SPAG1: variants seen among roughly 807,000 people sequenced by gnomAD.
The protein encoded by SPAG1 is sperm associated antigen 1, also known as sperm-associated antigen 1.
A neutral mutation model predicts 100.5 loss-of-function variants in SPAG1; 69 were observed. The ratio of observed to expected loss-of-function variants is 0.69; its 90% CI spans 0.57 to 0.84. The LOEUF (loss-of-function observed/expected upper bound fraction) is 0.84, where lower values mean the gene tolerates loss of function less well. Among genes scored for constraint, SPAG1 ranks in the 40% least tolerant of loss-of-function variants. The pLI is 0.00. For synonymous variants in SPAG1, 336 were observed against 411.6 expected (o/e 0.82, Z 2.22); for missense variants, 955 against 1,133.1 (o/e 0.84, Z 2.26).
chr8:100,172,632 ATATGTG>A (rs1355973118), intron 3 of SPAG1, among the ~76,000 whole-genome samples: 3 of 93,832 alleles, frequency 3.2e-5, no homozygotes, highest in Admixed American at 1.1e-4. Flanking sequence ...AAAAAGAAAT[ATATGTG>A]TGTGTGTGTG....
intron 10 of SPAG1, among the ~76,000 whole-genome samples, chr8:100,206,239 T>G (rs929629115): frequency 6.6e-6 from 1 of 152,146 alleles, no homozygotes; most frequent in Non-Finnish European, 1.5e-5. Context: ...ACACATCTCC[T>G]GGTACCTGGT....
At chr8:100,204,304 G>T (rs1817413307) in intron 10 of SPAG1, among the ~76,000 whole-genome samples, 1 of 152,194 alleles carries the variant, frequency 6.6e-6, no homozygotes, top group Non-Finnish European at 1.5e-5. Context: ...GAGGTTGAGA[G>T]TGTGACCCAT....
At chr8:100,223,811 T>G (rs1281930816) in intron 13 of SPAG1, among the ~76,000 whole-genome samples, 2 of 152,062 alleles carry the variant, frequency 1.3e-5, no homozygotes, top group Non-Finnish European at 2.9e-5. Context: ...CTTCTGCAAT[T>G]CTGGGTGGTT....
chr8:100,195,376 C>G (rs370898433), intron 10 of SPAG1, among the ~76,000 whole-genome samples: 1 of 151,766 alleles, frequency 6.6e-6, no homozygotes, highest in Non-Finnish European at 1.5e-5. Flanking sequence ...AAATAAAGAA[C>G]GAGTTTTAAT....
At chr8:100,159,372 C>T (rs1398415086) in intron 1 of SPAG1, among the ~76,000 whole-genome samples, 3 of 152,174 alleles carry the variant, frequency 2.0e-5, no homozygotes, top group African/African-American at 7.2e-5. Context: ...AGATCTCATC[C>T]GGAAGCCTAA....
intron 3 of SPAG1, among the ~76,000 whole-genome samples, chr8:100,166,620 G>T (rs908466191): frequency 5.3e-5 from 8 of 151,798 alleles, no homozygotes; most frequent in Non-Finnish European, 1.0e-4. Flanking sequence ...AATTCAAATT[G>T]CTTGGTCAGA....
intron 3 of SPAG1, among the ~76,000 whole-genome samples, chr8:100,176,269 T>A (rs1030760105): frequency 6.6e-6 from 1 of 152,168 alleles, no homozygotes; most frequent in African/African-American, 2.4e-5. Flanking sequence ...GCTTTATAGG[T>A]CCATCATCTT....
chr8:100,230,750 A>G (rs1234434812), intron 14 of SPAG1, among the ~76,000 whole-genome samples: 1 of 152,002 alleles, frequency 6.6e-6, no homozygotes, highest in East Asian at 1.9e-4. Flanking sequence ...CAGCCTCCCG[A>G]GTAGCTAGGA....
chr8:100,161,042 C>T (rs899931432), intron 1 of SPAG1, among the ~76,000 whole-genome samples: 5 of 152,032 alleles, frequency 3.3e-5, no homozygotes, highest in Non-Finnish European at 5.9e-5. Context: ...TCTTTTTCTA[C>T]AGAAGTACCT....
At chr8:100,229,445 C>CA (rs201798596) in intron 14 of SPAG1, among the ~76,000 whole-genome samples, 5,191 of 150,818 alleles carry the variant, frequency 0.034, 273 homozygotes, top group African/African-American at 0.12. Context: ...CAAAACAAAA[C>CA]AAAAAAAAAC....
intron 8 of SPAG1, among the ~76,000 whole-genome samples, chr8:100,189,692 G>T (rs1166973446): frequency 6.6e-6 from 1 of 152,044 alleles, no homozygotes; most frequent in Non-Finnish European, 1.5e-5. Flanking sequence ...TTAGCATTAG[G>T]TAAAGCTGAG....
chr8:100,212,883 A>G (rs1817773319), intron 10 of SPAG1, among the ~76,000 whole-genome samples: 2 of 91,814 alleles, frequency 2.2e-5, no homozygotes, highest in Admixed American at 2.5e-4. Context: ...CCGAGTCCTC[A>G]GGAAGCCGCA....
chr8:100,239,398 T>G lies in SPAG1; in HGVS notation c.2274T>G (p.Ile758Met). 1.3e-6 allele frequency: 2 copies of G among 1,586,218 alleles called. No homozygotes were observed. The highest frequency in any genetic ancestry group is 2.2e-5 in the South Asian group (2 of 90,492). Residue 758 changes from isoleucine (I) to methionine (M), a missense_variant, in exon 17 of 19, where the codon ATT (isoleucine) becomes ATG (methionine). Coordinates refer to ENST00000388798, the MANE Select transcript of SPAG1 (RefSeq NM_003114.5). This position sits in a 1 kb window ranked among gnomAD's most constrained non-coding sequence, Gnocchi z 5.0. Reference protein sequence around the residue: ...NKEKERRKIEIQEVNEGKEEP... With the variant: ...NKEKERRKIEMQEVNEGKEEP... ...AAAAGGAGAGAAGGAAAATTGAGAT[T>G]CAAGAGGTATTTGTATTTGATTATC... is the stretch of plus-strand genomic sequence containing the variant.
At chr8:100,169,857 C>G (rs2132214151) in intron 3 of SPAG1, among the ~76,000 whole-genome samples, 1 of 151,838 alleles carries the variant, frequency 6.6e-6, no homozygotes, top group South Asian at 2.1e-4. Flanking sequence ...CAAGGCTACC[C>G]CCTAGGCAGC....
intron 2 of SPAG1, chr8:100,165,291 C>A: frequency 3.9e-6 from 2 of 516,762 alleles, no homozygotes; most frequent in South Asian, 2.9e-5. Context: ...ACATTTCCAG[C>A]AGGTCTGTGC....
chr8:100,191,454 G>C lies in SPAG1; in HGVS notation c.897G>C (p.Leu299Phe), dbSNP rs143556780. ...QNKLREATED[L>F]SKVLDVEPDN... ...AGCTCCGGGAAGCTACAGAAGATTT[G>C]AGTAAAGTACTAGATGTTGAGCCTG... The change falls in exon 9 of 19, where the codon TTG becomes TTC. Residue 299 changes from leucine to phenylalanine, a missense_variant. Transcript: ENST00000388798. 2 of 1,613,682 alleles carry C rather than the reference G, an allele frequency of 1.2e-6. No individual in the cohort carries two copies. Among genetic ancestry groups the C allele is most frequent in the African/African-American group, 2.7e-5 (2 of 74,892 alleles).
At chr8:100,235,740 G>A (rs909039166) in intron 16 of SPAG1, among the ~76,000 whole-genome samples, 3 of 152,034 alleles carry the variant, frequency 2.0e-5, no homozygotes, top group African/African-American at 4.8e-5. Context: ...TGCAGTCAGC[G>A]TGCATGTCCC....
At position 100,219,539 on chromosome 8, in the gene SPAG1, T is replaced by G. The variant is rs545680615; in HGVS notation, c.1536-740T>G. On this transcript the variant is annotated intron_variant, in intron 12 of 18. Coordinates refer to ENST00000388798, the MANE Select transcript of SPAG1 (RefSeq NM_003114.5). ...GCCTTTTGACTTAACATATTTTCAG[T>G]TTACCATGGGATTATTGGGACATAA... Among the ~76,000 whole-genome samples, 7 of 152,352 alleles carry G rather than the reference T, an allele frequency of 4.6e-5. No homozygotes were observed. The East Asian group carries it at 1.3e-3, about 29-fold the overall frequency.
chr8:100,163,205 G>C (rs1331431506), intron 2 of SPAG1, among the ~76,000 whole-genome samples: 1 of 152,044 alleles, frequency 6.6e-6, no homozygotes, highest in African/African-American at 2.4e-5. Flanking sequence ...ATCAAATGTG[G>C]TTGTTAAAAA....
Sources: allele counts gnomAD v4.1 joint callset (sites outside exome capture counted in the v4.1 genomes callset), GRCh38; gene constraint gnomAD v4.1.1; non-coding constraint Gnocchi (gnomAD v3.1); transcripts MANE v1.5; gene names NCBI Gene and HGNC (gene_info 2026-07-23, HGNC 2026-07-21).